ZNF185: variants seen among roughly 807,000 people sequenced by gnomAD.
ZNF185 encodes the protein zinc finger protein 185 with LIM domain, also known as zinc finger protein 185.
Under a neutral mutation model 58.6 loss-of-function variants are expected in ZNF185, and 56 were observed. That is an observed-to-expected ratio of 0.95 (90% CI 0.77 to 1.19). The LOEUF is 1.19. ZNF185 is among the 50% of genes most tolerant of loss of function. The pLI is 0.00. For synonymous variants in ZNF185, 230 were observed against 215.9 expected, an observed-to-expected ratio of 1.07 and a Z score of -0.57; for missense variants, 627 against 573.5, an observed-to-expected ratio of 1.09 and a Z score of -0.95.
chrX:152,952,721 A>G (rs896833585), intron 16 of ZNF185, among the ~76,000 whole-genome samples: 2 of 111,383 alleles, frequency 1.8e-5, no homozygotes, highest in Non-Finnish European at 3.8e-5. Flanking sequence ...AAAGAAGGGA[A>G]GAGGGATGCG....
intron 16 of ZNF185, among the ~76,000 whole-genome samples, chrX:152,957,203 G>A (rs2048932091): frequency 9.3e-6 from 1 of 107,574 alleles, no homozygotes; most frequent in Non-Finnish European, 1.9e-5. Context: ...GAGCAGCTGG[G>A]ACTACAGGCG....
intron 15 of ZNF185, among the ~76,000 whole-genome samples, chrX:152,938,627 C>T (rs2046657982): frequency 9.0e-6 from 1 of 111,058 alleles, no homozygotes; most frequent in African/African-American, 3.3e-5. Context: ...GAAGAGGAGG[C>T]TCAGTGAACT....
chrX:152,938,895 GCGATCTCCTCTAAA>G (rs1201133506), intron 15 of ZNF185, among the ~76,000 whole-genome samples: 6 of 84,496 alleles, frequency 7.1e-5, no homozygotes, highest in Non-Finnish European at 1.4e-4. Flanking sequence ...GGCAACTCAG[GCGATCTCCTCTAAA>G]GAGGAGAAGG....
the ZNF185 span, among the ~76,000 whole-genome samples, chrX:152,898,579 A>C: frequency 1.8e-5 from 2 of 112,301 alleles, no homozygotes; most frequent in Non-Finnish European, 3.8e-5. Flanking sequence ...GCAGGCCTTT[A>C]AGAATCAGGG....
chrX:152,922,182 G>C lies in ZNF185; in HGVS notation c.666G>C (p.Val222=), dbSNP rs782445976. ...CTCTTCTTGCTCAAAGGGTGGAGGT[G>C]GTGGAAGAGGACGGGCCTTCTGAGA... Residue 222 remains valine, a synonymous_variant, in exon 10 of 23, where the codon GTG becomes GTC. Transcript: ENST00000449285. The C allele has an allele frequency of 8.4e-6, 10 of 1,195,207 alleles. No individual in the cohort carries two copies. The highest frequency in any genetic ancestry group is 1.1e-5 in the Non-Finnish European group (10 of 887,000).
intron 14 of ZNF185, among the ~76,000 whole-genome samples, 163 bp from the exon 17 acceptor site, chrX:152,937,911 C>T (rs1339323349): frequency 8.9e-6 from 1 of 112,802 alleles, no homozygotes; most frequent in Non-Finnish European, 1.9e-5. Context: ...GGTTGTCACA[C>T]ACAGTGGCAT....
the ZNF185 span, among the ~76,000 whole-genome samples, chrX:152,905,292 T>A: frequency 8.9e-6 from 1 of 112,380 alleles, no homozygotes; most frequent in Admixed American, 9.3e-5. Flanking sequence ...AGGGAAGCTC[T>A]CTAAGGAAGG....
chrX:152,972,878 C>A (rs1045138), exon 23 of ZNF185: 1 of 111,978 alleles, frequency 8.9e-6, no homozygotes, highest in Non-Finnish European at 1.9e-5. Flanking sequence ...GGCCTCTGCT[C>A]TTGATTTAAT....
intron 17 of ZNF185, 80 bp downstream of exon 19, chrX:152,959,976 A>C: frequency 1.0e-6 from 1 of 970,764 alleles, no homozygotes; most frequent in Non-Finnish European, 1.4e-6. Flanking sequence ...ACAAACCCCC[A>C]CACACTAGGC....
the ZNF185 span, among the ~76,000 whole-genome samples, chrX:152,901,439 ATT>A: frequency 6.1e-3 from 617 of 100,455 alleles, 9 homozygotes; most frequent in African/African-American, 0.021. Flanking sequence ...TTTATCTTTA[ATT>A]TTTTTTTTTT....
Position 152,932,920 on chromosome X carries a change from G to A in ZNF185, c.1070G>A (p.Gly357Asp), listed in dbSNP as rs781924246. 8 of 1,206,359 alleles carry A rather than the reference G, an allele frequency of 6.6e-6. No homozygotes were observed. The South Asian group carries it at 1.4e-4, about 22-fold the overall frequency. The stretch of plus-strand genomic sequence containing the variant: ...GGCAATGTGGGATCCGGAGCCACGG[G>A]CTCCCGGCCTGAAGGCTTGGCTGCA... The change falls in exon 14 of 23, where the codon GGC (glycine) becomes GAC (aspartate). Residue 357 changes from glycine to aspartate, a missense_variant. Transcript: ENST00000449285.
chrX:152,958,539 T>C (rs183517125), intron 16 of ZNF185, among the ~76,000 whole-genome samples: 41 of 110,726 alleles, frequency 3.7e-4, no homozygotes, highest in Admixed American at 3.4e-3. Context: ...GCGGATTGCC[T>C]GAGTTCAGGA....
the ZNF185 span, among the ~76,000 whole-genome samples, chrX:152,904,749 A>C: frequency 7.2e-5 from 8 of 111,722 alleles, no homozygotes; most frequent in African/African-American, 2.6e-4. Flanking sequence ...TCTGTGCCAC[A>C]GCCAAGGCTC....
intron 11 of ZNF185, among the ~76,000 whole-genome samples, chrX:152,926,474 T>TC (rs1166172675): frequency 2.0e-4 from 23 of 112,517 alleles, no homozygotes; most frequent in African/African-American, 7.1e-4. Flanking sequence ...AAAGGAGGTA[T>TC]CCCCTCGCCC....
intron 16 of ZNF185, among the ~76,000 whole-genome samples, chrX:152,946,624 C>T (rs782212850): frequency 5.9e-4 from 66 of 111,333 alleles, no homozygotes; most frequent in Admixed American, 5.7e-4. Flanking sequence ...GTTTTGTTTT[C>T]GTTTTGCGGG....
At chrX:152,923,704 C>G (rs191312784) in intron 11 of ZNF185, among the ~76,000 whole-genome samples, 5 of 112,097 alleles carry the variant, frequency 4.5e-5, no homozygotes, top group African/African-American at 1.6e-4. Context: ...CAATCTAGAT[C>G]TCTCACATGT....
At chrX:152,973,203 G>A (rs1216893307) in exon 23 of ZNF185, 1 of 111,893 alleles carries the variant, frequency 8.9e-6, no homozygotes, top group Non-Finnish European at 1.9e-5. Flanking sequence ...AGGTAAAGAG[G>A]CCCAAGATAG....
At chrX:152,908,892 C>T in the ZNF185 span, among the ~76,000 whole-genome samples, 1 of 113,545 alleles carries the variant, frequency 8.8e-6, no homozygotes, top group African/African-American at 3.2e-5. Flanking sequence ...CCTTCTGAGA[C>T]CTGATCCCAG....
chrX:152,911,773 TCATCC>T (rs1170073356), upstream of ZNF185, among the ~76,000 whole-genome samples: 1 of 35,710 alleles, frequency 2.8e-5, no homozygotes, highest in African/African-American at 1.2e-4. Context: ...CCCATCCATC[TCATCC>T]CATCCCATCC....
Sources: allele counts gnomAD v4.1 joint callset (sites outside exome capture counted in the v4.1 genomes callset), GRCh38; gene constraint gnomAD v4.1.1; transcripts MANE v1.5; gene names NCBI Gene and HGNC (gene_info 2026-07-23, HGNC 2026-07-21).